The following POGLUT1 variants were observed in gnomAD, a reference collection of about 807,000 sequenced individuals.
POGLUT1 encodes 9630046K23Rik.
In POGLUT1, 32 loss-of-function variants were observed where a neutral mutation model predicts 61.3. The ratio of observed to expected loss-of-function variants is 0.52; its 90% CI spans 0.39 to 0.70. The LOEUF (loss-of-function observed/expected upper bound fraction) is 0.70. POGLUT1 is among the 30% of genes least tolerant of loss of function. POGLUT1 has a pLI of 0.00. For synonymous variants in POGLUT1, 158 were observed against 158.2 expected, an observed-to-expected ratio of 1.00 and a Z score of 0.01; for missense variants, 411 against 469.8, an observed-to-expected ratio of 0.87 and a Z score of 1.16.
chr3:119,487,397 G>C (rs1324074409), intron 7 of POGLUT1, among the ~76,000 whole-genome samples: 1 of 152,054 alleles, frequency 6.6e-6, no homozygotes, highest in Admixed American at 6.6e-5. Flanking sequence ...GACCAGCCTG[G>C]CCAACATGGT....
chr3:119,484,982 C>T (rs922259237), intron 5 of POGLUT1, among the ~76,000 whole-genome samples: 6 of 152,080 alleles, frequency 3.9e-5, no homozygotes, highest in East Asian at 1.9e-4. Flanking sequence ...TTTGGGAGGC[C>T]GAGGCAGGCG....
chr3:119,475,954 C>CCA (rs539140166), intron 3 of POGLUT1, among the ~76,000 whole-genome samples: 13,924 of 130,746 alleles, frequency 0.11, 718 homozygotes, highest in African/African-American at 0.13. Flanking sequence ...GACTGTCTCT[C>CCA]CACACACACA....
intron 5 of POGLUT1, among the ~76,000 whole-genome samples, chr3:119,482,610 A>G (rs1004578776): frequency 2.6e-5 from 4 of 152,214 alleles, no homozygotes; most frequent in South Asian, 4.1e-4. Flanking sequence ...ATTTTATTCA[A>G]TTGAATTTAT....
chr3:119,492,380 T>C lies in POGLUT1; in HGVS notation c.1121T>C (p.Val374Ala). 3 of 1,607,824 alleles carry C rather than the reference T, an allele frequency of 1.9e-6. No homozygotes were observed. The highest frequency in any genetic ancestry group is 2.6e-6 in the Non-Finnish European group (3 of 1,175,470). ...TACTCTAAATTCCTGTCTTATAATG[T>C]AACGAGAAGGAAAGGTTATGATCAA... ...SEYSKFLSYN[V>A]TRRKGYDQII... Residue 374 changes from valine to alanine, a missense_variant, in exon 11 of 11, where the codon GTA becomes GCA. Physicochemically the swap from Val to Ala is moderately conservative, Grantham distance 64. Transcript: ENST00000295588.
chr3:119,488,772 C>T, intron 7 of POGLUT1, 157 bp from the exon 8 acceptor site: 1 of 415,488 alleles, frequency 2.4e-6, no homozygotes, highest in East Asian at 3.5e-5. Context: ...GCCTTGGCTT[C>T]TGCATTTATA....
intron 2 of POGLUT1, 64 bp downstream of exon 2, chr3:119,469,974 TC>T (rs1431237559): frequency 5.2e-6 from 5 of 968,104 alleles, no homozygotes; most frequent in Non-Finnish European, 8.3e-6. Flanking sequence ...TATTCTAACA[TC>T]CTTGAGAGAT....
At chr3:119,473,205 A>G (rs766739686) in intron 3 of POGLUT1, among the ~76,000 whole-genome samples, 12 of 152,262 alleles carry the variant, frequency 7.9e-5, no homozygotes, top group Non-Finnish European at 1.3e-4. Flanking sequence ...GGAACTCAAT[A>G]ATAGAGACTT....
At chr3:119,482,473 C>G (rs2081616410) in intron 5 of POGLUT1, among the ~76,000 whole-genome samples, 1 of 152,174 alleles carries the variant, frequency 6.6e-6, no homozygotes, top group African/African-American at 2.4e-5. Flanking sequence ...AAGGTGTTAT[C>G]CAGTTACTCC....
chr3:119,480,018 T>G (rs941324125), intron 4 of POGLUT1, 33 bp from the exon 5 acceptor site: 2 of 1,611,494 alleles, frequency 1.2e-6, no homozygotes, highest in South Asian at 1.1e-5. Flanking sequence ...GTTCCAAGAC[T>G]GATTTAGGAC....
chr3:119,492,238 T>C (rs2081757851), intron 10 of POGLUT1, 44 bp from the exon 11 acceptor site: 1 of 1,481,820 alleles, frequency 6.7e-7, no homozygotes, highest in South Asian at 1.3e-5. Context: ...CTATTATCAT[T>C]AAATTCTGTG....
intron 2 of POGLUT1, among the ~76,000 whole-genome samples, chr3:119,470,949 A>G (rs1201962187): frequency 6.6e-6 from 1 of 152,238 alleles, no homozygotes; most frequent in East Asian, 1.9e-4. Context: ...CTAGACTGTA[A>G]GGCGTAAACT....
chr3:119,474,893 G>T (rs758367818), intron 3 of POGLUT1, among the ~76,000 whole-genome samples: 1 of 151,626 alleles, frequency 6.6e-6, no homozygotes, highest in African/African-American at 2.4e-5. Context: ...AAAGAAATAC[G>T]AGCATTTTAG....
rs1157840819 is a variant in POGLUT1 at position 119,493,198 on chromosome 3, T to G, written c.*760T>G. The G allele has an allele frequency of 6.7e-6, 1 of 149,762 alleles. No homozygotes were observed. Among genetic ancestry groups the G allele is most frequent in the Non-Finnish European group, 1.5e-5 (1 of 67,528 alleles). The allele number at this position is 149,762 out of a possible 1,614,324, so 9.3% of individuals were successfully genotyped here. On this transcript the variant is annotated 3_prime_UTR_variant, in exon 11 of 11. Transcript: ENST00000295588. ...TTAATAAATTTAATGGAACTATACA[T>G]AGAACAGCAGCTCTTCCTCACCCTT... is the stretch of plus-strand genomic sequence containing the variant.
chr3:119,471,752 CCTAGCAGGA>C (rs1230134870), intron 3 of POGLUT1: 1 of 367,692 alleles, frequency 2.7e-6, no homozygotes, highest in East Asian at 6.8e-5. Context: ...GCCTAGCAGG[CCTAGCAGGA>C]GGGAGCTAGG....
At chr3:119,485,033 G>A (rs1368348859) in intron 5 of POGLUT1, among the ~76,000 whole-genome samples, 2 of 152,080 alleles carry the variant, frequency 1.3e-5, no homozygotes, top group African/African-American at 2.4e-5. Flanking sequence ...TGGCTAACAC[G>A]GTGAAACCCT....
rs187647864 is a variant in POGLUT1, at chr3:119,484,730, A to G, written c.579-598A>G. 8.4e-3 allele frequency among the ~76,000 whole-genome samples: 1,286 copies of G among 152,272 alleles called. 12 individuals carry two copies. Among genetic ancestry groups the G allele is most frequent in the Non-Finnish European group, 9.2e-3 (628 of 68,026 alleles). On this transcript the variant is annotated intron_variant, in intron 5 of 10. Transcript: ENST00000295588. The stretch of plus-strand genomic sequence containing the variant: ...GTACAGAGGAAATCCACATTTGCCA[A>G]ATTATAAACAGACCTAATCATGACC...
Position 119,469,003 on chromosome 3 carries a change from T to A in POGLUT1, c.-19T>A. ...TCCGCCAGCGCCGCAGCGGGGAATCTGCAGTAGGTCTGCCGGCGATGGAGT... is the reference window on the plus strand; with the variant it reads ...TCCGCCAGCGCCGCAGCGGGGAATCAGCAGTAGGTCTGCCGGCGATGGAGT... On this transcript the variant is annotated 5_prime_UTR_variant, in exon 1 of 11. Transcript: ENST00000295588. The A allele has an allele frequency of 6.2e-7, 1 of 1,600,610 alleles. No individual in the cohort carries two copies. The highest frequency in any genetic ancestry group is 8.5e-7 in the Non-Finnish European group (1 of 1,174,302).
rs1294837523 is a variant in POGLUT1 at position 119,494,677 on chromosome 3, T to C, written c.*2239T>C. ...TTTCTTCAAGGAAAGAATAATTTATTTGAATGAAGTGGGATACTTGCATAA... is the reference window on the plus strand; with the variant it reads ...TTTCTTCAAGGAAAGAATAATTTATCTGAATGAAGTGGGATACTTGCATAA... On this transcript the variant is annotated 3_prime_UTR_variant, in exon 11 of 11. Transcript: ENST00000295588. 3 of 152,628 alleles carry C rather than the reference T, an allele frequency of 2.0e-5. No homozygotes were observed. Among genetic ancestry groups the C allele is most frequent in the East Asian group, 3.8e-4 (2 of 5,208 alleles). 9.5% of individuals were successfully genotyped at this position (152,628 alleles called of 1,614,324 possible).
intron 3 of POGLUT1, among the ~76,000 whole-genome samples, chr3:119,476,164 TA>T (rs1233912910): frequency 1.3e-5 from 2 of 151,706 alleles, no homozygotes; most frequent in African/African-American, 4.8e-5. Flanking sequence ...CTGCCTCAAA[TA>T]AAAAAAACCT....
Sources: gnomAD v4.1 joint callset for allele counts (sites outside exome capture counted in the v4.1 genomes callset) on GRCh38, gnomAD v4.1.1 for gene constraint, MANE v1.5 for transcripts, NCBI Gene and HGNC (gene_info 2026-07-23, HGNC 2026-07-21) for gene names.